PATL2: variants seen among roughly 807,000 people sequenced by gnomAD.
PATL2 encodes protein PAT1 homolog 2.
Under a neutral mutation model 77.0 loss-of-function variants are expected in PATL2, and 73 were observed. The observed-to-expected ratio is 0.95, with a 90% CI of 0.78 to 1.15. The LOEUF (loss-of-function observed/expected upper bound fraction) is 1.15. Ranked by LOEUF, PATL2 falls within the 50% of genes most tolerant of loss-of-function variation. The pLI is 0.00. For missense variants in PATL2, 618 were observed against 655.4 expected (o/e 0.94, Z 0.62); for synonymous variants, 265 against 257.1 (o/e 1.03, Z -0.29).
In PATL2 at chr15:44,669,627, C is replaced by T. The variant is rs929615231; in HGVS notation, c.877-64G>A. ...ACTGCCACAGCCCTAGCCCAGGCCCCCAACTAGCTAGAGATTGAGCTGGAA... is the reference window on the plus strand; with the variant it reads ...ACTGCCACAGCCCTAGCCCAGGCCCTCAACTAGCTAGAGATTGAGCTGGAA... On this transcript the variant is annotated intron_variant, in intron 11 of 17. Coordinates refer to ENST00000682850, the MANE Select transcript of PATL2 (RefSeq NM_001387263.1). 106 of 1,527,184 alleles carry T rather than the reference C, an allele frequency of 6.9e-5. No individual in the cohort carries two copies. In the South Asian group the frequency reaches 1.3e-3, roughly 18 times the overall value. 94.6% of individuals were successfully genotyped at this position (1,527,184 alleles called of 1,614,324 possible). A position where few individuals can be genotyped will look rare whatever the true frequency, so the allele number is the denominator to read the frequency against.
In PATL2 at chr15:44,694,527, T is replaced by C. The variant is rs1487200080; in HGVS notation, c.-76+15569A>G. Among the ~76,000 whole-genome samples, 5 of 152,210 alleles carry C rather than the reference T, an allele frequency of 3.3e-5. No individual in the cohort carries two copies. The East Asian group carries it at 9.6e-4, about 29-fold the overall frequency. On this transcript the variant is annotated intron_variant, in intron 3 of 17. Coordinates refer to ENST00000682850, the MANE Select transcript of PATL2 (RefSeq NM_001387263.1). ...TAAACTTCCGCTCCTAAACTCCTTG[T>C]GTGTGTGTCTGTCTCCTACATTTTC...
rs1264476152 is a variant in PATL2, at chr15:44,667,189, C to A, written c.1380G>T (p.Leu460Phe). Residue 460 changes from leucine (L) to phenylalanine (F), a missense_variant, in exon 16 of 18, where the codon TTG becomes TTT. Coordinates refer to ENST00000682850, the MANE Select transcript of PATL2 (RefSeq NM_001387263.1). ...VVLQNQFGIS[L>F]LYALLSHGEQ... Reference sequence around the variant, plus strand: ...CCCCATGGCTCAGCAGGGCATAGAGCAAAGATATTCCAAACTGCAAGGGAC... The same window carrying A: ...CCCCATGGCTCAGCAGGGCATAGAGAAAAGATATTCCAAACTGCAAGGGAC... 1.9e-6 allele frequency: 3 copies of A among 1,551,510 alleles called. No individual in the cohort carries two copies. Among genetic ancestry groups the A allele is most frequent in the Non-Finnish European group, 2.6e-6 (3 of 1,146,898 alleles).
intron 3 of PATL2, among the ~76,000 whole-genome samples, chr15:44,685,121 C>T (rs150696612): frequency 0.013 from 1,975 of 152,242 alleles, 48 homozygotes; most frequent in African/African-American, 0.046. Context: ...AAGGAACAAC[C>T]GATACCAGCC....
intron 3 of PATL2, among the ~76,000 whole-genome samples, chr15:44,707,622 G>A (rs1231495362): frequency 6.6e-6 from 1 of 152,068 alleles, no homozygotes; most frequent in African/African-American, 2.4e-5. Flanking sequence ...ACTCATCTTT[G>A]TTCTTCCCTC....
chr15:44,702,747 C>T (rs2086655019), intron 3 of PATL2, among the ~76,000 whole-genome samples: 1 of 151,584 alleles, frequency 6.6e-6, no homozygotes, highest in Admixed American at 6.6e-5. Context: ...TCTTTGTTGA[C>T]CCACAGTCAC....
chr15:44,677,534 A>T (rs1160049949), intron 3 of PATL2, among the ~76,000 whole-genome samples: 1 of 152,168 alleles, frequency 6.6e-6, no homozygotes, highest in Non-Finnish European at 1.5e-5. Flanking sequence ...AAACAAAAAC[A>T]TAGCTGCTCC....
rs935255619 is a variant in PATL2 at position 44,676,548 on chromosome 15, A to G, written c.-58T>C. 11 of 1,550,750 alleles carry G rather than the reference A, an allele frequency of 7.1e-6. No individual in the cohort carries two copies. Among genetic ancestry groups the G allele is most frequent in the Non-Finnish European group, 9.6e-6 (11 of 1,146,478 alleles). ...TGTCCTCCAGTGAAACAGCATTGCC[A>G]GCCTCTGGAAGGTAAACCTGAGACA... is the stretch of plus-strand genomic sequence containing the variant. On this transcript the variant is annotated 5_prime_UTR_variant, in exon 4 of 18. Transcript: ENST00000682850.
At position 44,669,403 on chromosome 15, in the gene PATL2, T is replaced by G. The variant is rs1223873119; in HGVS notation, c.941A>C (p.Gln314Pro). ...VLYRIEKMFL[Q>P]LLEIEEGWKY... Reference sequence around the variant, plus strand: ...CCAGCCTTCCTCTATTTCTAGTAACTGAAGGAACATCTGGGAATTTGAGGG... The same window carrying G: ...CCAGCCTTCCTCTATTTCTAGTAACGGAAGGAACATCTGGGAATTTGAGGG... Residue 314 changes from glutamine to proline, a missense_variant, in exon 13 of 18, where the codon CAG becomes CCG. By Grantham distance (76) the Gln-to-Pro change is moderately conservative. Coordinates refer to ENST00000682850, the MANE Select transcript of PATL2 (RefSeq NM_001387263.1). The G allele has an allele frequency of 6.5e-7, 1 of 1,550,094 alleles. No individual in the cohort carries two copies. Among genetic ancestry groups the G allele is most frequent in the Non-Finnish European group, 8.7e-7 (1 of 1,145,758 alleles).
intron 3 of PATL2, among the ~76,000 whole-genome samples, chr15:44,706,858 C>G (rs1296580154): frequency 6.6e-6 from 1 of 152,224 alleles, no homozygotes; most frequent in Non-Finnish European, 1.5e-5. Flanking sequence ...TTTCCCCCAG[C>G]CTGGGGTGAA....
At chr15:44,682,097 T>C (rs1243901878) in intron 3 of PATL2, among the ~76,000 whole-genome samples, 1 of 152,222 alleles carries the variant, frequency 6.6e-6, no homozygotes, top group Admixed American at 6.5e-5. Context: ...TCCAATGATA[T>C]TGAAAGTGTG....
At chr15:44,687,032 T>G (rs556439500) in intron 3 of PATL2, among the ~76,000 whole-genome samples, 36 of 151,972 alleles carry the variant, frequency 2.4e-4, no homozygotes, top group Admixed American at 7.2e-4. Flanking sequence ...GAAAAAGAGG[T>G]AATCCTCCCT....
chr15:44,671,217 C>T (rs994948972), intron 9 of PATL2, among the ~76,000 whole-genome samples: 5 of 152,152 alleles, frequency 3.3e-5, no homozygotes, highest in Non-Finnish European at 1.5e-5. Context: ...CAGCCGGGCG[C>T]GGTTGCTCAT....
chr15:44,665,950 A>G lies in PATL2; in HGVS notation c.*3T>C. On this transcript the variant is annotated 3_prime_UTR_variant, in exon 18 of 18. Transcript: ENST00000682850. Reference sequence around the variant, plus strand: ...CACATACACGTATTCCAGAACAAACAGATCAGTAAATCCAGGCAAACCTAT... The same window carrying G: ...CACATACACGTATTCCAGAACAAACGGATCAGTAAATCCAGGCAAACCTAT... 4 of 1,545,890 alleles carry G rather than the reference A, an allele frequency of 2.6e-6. No homozygotes were observed. Among genetic ancestry groups the G allele is most frequent in the Non-Finnish European group, 2.6e-6 (3 of 1,145,616 alleles).
intron 8 of PATL2, 26 bp from the exon 9 acceptor site, chr15:44,672,182 T>TA (rs1487256577): frequency 6.4e-7 from 1 of 1,551,638 alleles, no homozygotes; most frequent in Admixed American, 2.0e-5. Flanking sequence ...AACAACCCTT[T>TA]AGACTTACCC....
intron 5 of PATL2, 180 bp downstream of exon 5, chr15:44,675,306 G>A (rs555406327): frequency 1.2e-4 from 84 of 677,006 alleles, no homozygotes; most frequent in Admixed American, 2.8e-4. Flanking sequence ...AAATGAAGTG[G>A]GAGACAGGAG....
Position 44,666,533 on chromosome 15 carries a change from A to G in PATL2, c.1472T>C (p.Met491Thr). 6.5e-7 allele frequency: 1 copy of G among 1,550,026 alleles called. No homozygotes were observed. The highest frequency in any genetic ancestry group is 8.7e-7 in the Non-Finnish European group (1 of 1,146,208). Residue 491 changes from methionine (M) to threonine (T), a missense_variant, in exon 17 of 18, where the codon ATG becomes ACG. Physicochemically the swap from Met to Thr is moderately conservative, Grantham distance 81. Coordinates refer to ENST00000682850, the MANE Select transcript of PATL2 (RefSeq NM_001387263.1). ...PNSDHTAWTD[M>T]VVLIAWEIAQ... is the part of the protein sequence containing the mutation. ...TATCTCCCAGGCAATCAGAACCACC[A>G]TGTCTGTCCTAGAGAGCATAAATAT...
intron 3 of PATL2, among the ~76,000 whole-genome samples, chr15:44,688,038 G>C (rs1193098961): frequency 6.6e-6 from 1 of 152,044 alleles, no homozygotes; most frequent in Non-Finnish European, 1.5e-5. Context: ...ACGAGGTCAG[G>C]AGATTGAGAC....
intron 15 of PATL2, among the ~76,000 whole-genome samples, chr15:44,668,022 G>A (rs2085471185): frequency 6.6e-6 from 1 of 152,214 alleles, no homozygotes; most frequent in South Asian, 2.1e-4. Flanking sequence ...CATGGGTAGT[G>A]TGGTTTAGAA....
intron 4 of PATL2, 129 bp downstream of exon 4, chr15:44,676,346 T>C (rs1438369269): frequency 3.5e-6 from 3 of 849,586 alleles, no homozygotes; most frequent in Admixed American, 2.0e-5. Flanking sequence ...CATTATGATA[T>C]AATTAGCAAG....
Sources: allele counts gnomAD v4.1 joint callset (sites outside exome capture counted in the v4.1 genomes callset), GRCh38; gene constraint gnomAD v4.1.1; transcripts MANE v1.5; gene names NCBI Gene and HGNC (gene_info 2026-07-23, HGNC 2026-07-21).